FRMD6: variants seen among roughly 807,000 people sequenced by gnomAD.
FRMD6 encodes the protein FERM domain containing 6, also known as FERM domain-containing protein 6.
Under a neutral mutation model 73.2 loss-of-function variants are expected in FRMD6, and 37 were observed. That is an observed-to-expected ratio of 0.51 (90% CI 0.39 to 0.66). The LOEUF is 0.66. FRMD6 is among the 30% of genes least tolerant of loss of function. FRMD6 has a pLI of 0.00. For missense variants in FRMD6, 714 were observed against 780.5 expected, an observed-to-expected ratio of 0.91 and a Z score of 1.02; for synonymous variants, 273 against 282.2, an observed-to-expected ratio of 0.97 and a Z score of 0.33.
intron 1 of FRMD6, among the ~76,000 whole-genome samples, chr14:51,517,086 T>G (rs720198): frequency 0.02 from 3,041 of 152,364 alleles, 75 homozygotes; most frequent in East Asian, 0.072. Flanking sequence ...ATGATGAGCT[T>G]TGTTGTATAC....
chr14:51,525,140 GTGGATGGATGGATGGA>G (rs71121650), intron 1 of FRMD6, among the ~76,000 whole-genome samples: 97 of 148,640 alleles, frequency 6.5e-4, no homozygotes, highest in African/African-American at 1.5e-3. Context: ...TGATAGGTGG[GTGGATGGATGGATGGA>G]TGGATGGATG....
At chr14:51,419,497 A>G in the FRMD6 span, among the ~76,000 whole-genome samples, 1 of 152,202 alleles carries the variant, frequency 6.6e-6, no homozygotes. Flanking sequence ...ACAGGTCACT[A>G]GGAATTTCCT....
chr14:51,463,041 C>T, the FRMD6 span, among the ~76,000 whole-genome samples: 1 of 152,208 alleles, frequency 6.6e-6, no homozygotes, highest in Admixed American at 6.5e-5. Flanking sequence ...TATAGATATT[C>T]CAGCTATACA....
At chr14:51,507,233 C>T (rs1884022066) in intron 1 of FRMD6, among the ~76,000 whole-genome samples, 1 of 152,160 alleles carries the variant, frequency 6.6e-6, no homozygotes, top group African/African-American at 2.4e-5. Context: ...GTCATAGCAG[C>T]TGCAGGGCAT....
chr14:51,558,198 A>G (rs1384989687), intron 1 of FRMD6, among the ~76,000 whole-genome samples: 3 of 152,164 alleles, frequency 2.0e-5, no homozygotes, highest in African/African-American at 7.2e-5. Context: ...GCCGGGCACG[A>G]TGGCTCACAC....
At chr14:51,645,605 T>A (rs546604638) in intron 2 of FRMD6, among the ~76,000 whole-genome samples, 2 of 151,950 alleles carry the variant, frequency 1.3e-5, no homozygotes, top group South Asian at 4.2e-4. Context: ...CCCAGCTAAT[T>A]TTTTATTTTT....
At chr14:51,422,596 G>A in the FRMD6 span, among the ~76,000 whole-genome samples, 1 of 152,254 alleles carries the variant, frequency 6.6e-6, no homozygotes, top group East Asian at 1.9e-4. Flanking sequence ...TATACAAGGA[G>A]AAATTTCCAT....
intron 1 of FRMD6, among the ~76,000 whole-genome samples, chr14:51,674,359 T>C (rs1337645799): frequency 6.6e-6 from 1 of 152,176 alleles, no homozygotes; most frequent in Non-Finnish European, 1.5e-5. Context: ...AGGCAATTAA[T>C]TGTAGGCAAT....
At chr14:51,459,782 A>G in the FRMD6 span, among the ~76,000 whole-genome samples, 1 of 134,576 alleles carries the variant, frequency 7.4e-6, no homozygotes, top group Admixed American at 8.2e-5. Context: ...AGCCAAGATC[A>G]TGCCAAGGCA....
intron 1 of FRMD6, among the ~76,000 whole-genome samples, chr14:51,661,889 C>T (rs115655990): frequency 0.012 from 1,831 of 152,072 alleles, 43 homozygotes; most frequent in African/African-American, 0.042. Flanking sequence ...TTTAATATGC[C>T]TGGTAGGATG....
chr14:51,719,683 T>C (rs1366232613), intron 10 of FRMD6, among the ~76,000 whole-genome samples: 3 of 152,224 alleles, frequency 2.0e-5, no homozygotes, highest in Admixed American at 6.5e-5. Context: ...ATCACATTGG[T>C]GGCTGTCATG....
At chr14:51,726,469 C>G (rs549319197) in intron 13 of FRMD6, among the ~76,000 whole-genome samples, 2 of 151,888 alleles carry the variant, frequency 1.3e-5, no homozygotes, top group Non-Finnish European at 2.9e-5. Flanking sequence ...GTTTTTTTCC[C>G]TTCTGTGTGT....
At chr14:51,713,640 T>C (rs1379613940) in intron 9 of FRMD6, 1 of 152,114 alleles carries the variant, frequency 6.6e-6, no homozygotes, top group Non-Finnish European at 1.5e-5. Flanking sequence ...ATATTGCAAA[T>C]AGAATGTGGG....
rs1308544220 is a variant in FRMD6 at position 51,730,366 on chromosome 14, T to TTA, written c.*2345_*2346dup. The TTA allele has an allele frequency of 6.6e-6, 1 of 152,228 alleles. No homozygotes were observed. Among genetic ancestry groups the TTA allele is most frequent in the Non-Finnish European group, 1.5e-5 (1 of 68,032 alleles). The allele number at this position is 152,228 out of a possible 1,614,324, so 9.4% of individuals were successfully genotyped here. On this transcript the variant is annotated 3_prime_UTR_variant, in exon 14 of 14. Coordinates refer to ENST00000344768, the MANE Select transcript of FRMD6 (RefSeq NM_001267046.2). The stretch of plus-strand genomic sequence containing the variant: ...TTTTGATCCACTGTTTGCAGCAGAA[T>TTA]TATATATATGTATAGGAAAAATCCA...
chr14:51,705,212 C>T (rs934815846), intron 6 of FRMD6, among the ~76,000 whole-genome samples: 4 of 152,074 alleles, frequency 2.6e-5, no homozygotes, highest in Admixed American at 2.6e-4. Context: ...ATGCCCTTGA[C>T]CTTCTTGCCT....
At chr14:51,622,319 A>G (rs965693985) in intron 2 of FRMD6, among the ~76,000 whole-genome samples, 2 of 152,182 alleles carry the variant, frequency 1.3e-5, no homozygotes, top group Middle Eastern at 3.2e-3. Context: ...TCATTTTTAT[A>G]CCTAATTTTG....
intron 2 of FRMD6, among the ~76,000 whole-genome samples, chr14:51,600,956 G>C (rs1890003786): frequency 6.6e-6 from 1 of 152,188 alleles, no homozygotes; most frequent in South Asian, 2.1e-4. Context: ...ATTAGCACTT[G>C]GCTTTGAAAT....
At chr14:51,484,203 A>C (rs1407163925), upstream of FRMD6, among the ~76,000 whole-genome samples, 2 of 152,146 alleles carry the variant, frequency 1.3e-5, no homozygotes, top group Non-Finnish European at 2.9e-5. Context: ...GGGTTGGGGG[A>C]TGTGAGGCTG....
chr14:51,680,833 A>G (rs1018978818), intron 1 of FRMD6, among the ~76,000 whole-genome samples: 1 of 151,898 alleles, frequency 6.6e-6, no homozygotes, highest in African/African-American at 2.4e-5. Flanking sequence ...CTCATTTTTT[A>G]CTTTGATAAA....
Sources: allele counts gnomAD v4.1 joint callset (sites outside exome capture counted in the v4.1 genomes callset), GRCh38; gene constraint gnomAD v4.1.1; transcripts MANE v1.5; gene names NCBI Gene and HGNC (gene_info 2026-07-23, HGNC 2026-07-21).